The following EBF1 variants were observed in gnomAD, a reference collection of about 807,000 sequenced individuals.
The protein encoded by EBF1 is EBF transcription factor 1, also known as transcription factor COE1.
A neutral mutation model predicts 68.4 loss-of-function variants in EBF1; 10 were observed. The ratio of observed to expected loss-of-function variants is 0.15; its 90% CI spans 0.09 to 0.25. The LOEUF is 0.25. Among genes scored for constraint, EBF1 ranks in the 10% least tolerant of loss-of-function variants. The pLI is 1.00. For missense variants in EBF1, 509 were observed against 794.4 expected (o/e 0.64, Z 4.32); for synonymous variants, 298 against 299.8 (o/e 0.99, Z 0.06).
intron 6 of EBF1, among the ~76,000 whole-genome samples, chr5:158,841,898 A>G (rs1160770767): frequency 1.3e-5 from 2 of 152,214 alleles, no homozygotes; most frequent in African/African-American, 4.8e-5. Flanking sequence ...TTAACACCAC[A>G]CAACATTTGA....
intron 10 of EBF1, among the ~76,000 whole-genome samples, chr5:158,745,025 G>A (rs1428317942): frequency 2.0e-5 from 3 of 152,084 alleles, no homozygotes; most frequent in South Asian, 2.1e-4. Context: ...CTTGTGCTCC[G>A]TCTCCTCGCC....
chr5:158,965,259 C>A (rs1278921373), intron 6 of EBF1, among the ~76,000 whole-genome samples: 1 of 152,168 alleles, frequency 6.6e-6, no homozygotes, highest in Non-Finnish European at 1.5e-5. Flanking sequence ...GGCATAAAAG[C>A]TCTTAGGTGG....
chr5:159,054,112 A>T, intron 6 of EBF1, among the ~76,000 whole-genome samples: 1 of 152,368 alleles, frequency 6.6e-6, no homozygotes, highest in African/African-American at 2.4e-5. Context: ...ATTTCTTTTA[A>T]TAGTTAGTCT....
intron 6 of EBF1, among the ~76,000 whole-genome samples, chr5:159,021,562 G>C (rs1022869683): frequency 6.6e-6 from 1 of 152,168 alleles, no homozygotes; most frequent in Non-Finnish European, 1.5e-5. Context: ...AGGCAATCCC[G>C]TGTGTGAGCA....
intron 6 of EBF1, among the ~76,000 whole-genome samples, chr5:158,965,129 C>T (rs1400968948): frequency 2.6e-5 from 4 of 152,254 alleles, no homozygotes; most frequent in South Asian, 2.1e-4. Context: ...TTTGTGCTCC[C>T]TTGCCTGGGA....
At chr5:158,949,675 T>C (rs558029319) in intron 6 of EBF1, among the ~76,000 whole-genome samples, 2 of 152,256 alleles carry the variant, frequency 1.3e-5, no homozygotes, top group South Asian at 4.2e-4. Flanking sequence ...GGTTTAGATG[T>C]CTATATCTGC....
intron 2 of EBF1, 80 bp from the exon 3 acceptor site, chr5:159,096,486 A>T: frequency 6.6e-7 from 1 of 1,524,960 alleles, no homozygotes. Flanking sequence ...TTTCGAGGCA[A>T]CTTTCCCCAA....
At chr5:158,784,624 A>ACACCAG (rs1255153685) in intron 9 of EBF1, among the ~76,000 whole-genome samples, 3 of 152,180 alleles carry the variant, frequency 2.0e-5, no homozygotes, top group Non-Finnish European at 4.4e-5. Flanking sequence ...ACTAGAAAGC[A>ACACCAG]CACCAGCGAT....
At chr5:158,848,895 T>C (rs1485024648) in intron 6 of EBF1, among the ~76,000 whole-genome samples, 1 of 152,184 alleles carries the variant, frequency 6.6e-6, no homozygotes, top group Admixed American at 6.5e-5. Flanking sequence ...AACTGAGGCA[T>C]ACAGTTCTGC....
At chr5:159,098,883 A>T (rs890313080) in intron 1 of EBF1, among the ~76,000 whole-genome samples, 3 of 149,770 alleles carry the variant, frequency 2.0e-5, no homozygotes, top group Non-Finnish European at 3.0e-5. Context: ...GGAGGAAAGA[A>T]AAAAAGAAAG....
intron 6 of EBF1, among the ~76,000 whole-genome samples, chr5:158,879,587 C>A (rs970959627): frequency 2.0e-5 from 3 of 152,148 alleles, no homozygotes; most frequent in Non-Finnish European, 4.4e-5. Flanking sequence ...GGTTCCAAGT[C>A]TTTGCTATTG....
chr5:158,829,358 T>C (rs1479430734), intron 7 of EBF1, among the ~76,000 whole-genome samples: 4 of 150,784 alleles, frequency 2.7e-5, no homozygotes, highest in Non-Finnish European at 5.9e-5. Context: ...TTTTTTTGTA[T>C]TTTTTTTGTG....
In EBF1 at chr5:159,084,700, A is replaced by G. The variant is rs753701691; in HGVS notation, c.451T>C (p.Cys151Arg). ...YEGQDKNPEM[C>R]RVLLTHEIMC... ...ATCTCATGTGTGAGCAAGACTCGGC[A>G]CATTTCTGGGTTCTTGTCTTGGCCT... The change falls in exon 5 of 16, where the codon TGC (cysteine) becomes CGC (arginine). Residue 151 changes from cysteine to arginine, a missense_variant. By Grantham distance (180) the Cys-to-Arg change is radical. This residue lies in a region of EBF1 where 230 missense variants were observed against 467.7 expected (regional missense o/e 0.49). Coordinates refer to ENST00000313708, the MANE Select transcript of EBF1 (RefSeq NM_024007.5). 3.1e-6 allele frequency: 5 copies of G among 1,601,614 alleles called. No homozygotes were observed. Among genetic ancestry groups the G allele is most frequent in the Non-Finnish European group, 4.3e-6 (5 of 1,172,606 alleles).
intron 6 of EBF1, among the ~76,000 whole-genome samples, chr5:158,886,262 C>T (rs1800020448): frequency 6.6e-6 from 1 of 152,230 alleles, no homozygotes; most frequent in Non-Finnish European, 1.5e-5. Context: ...GTTTTACAAA[C>T]CCAACAGACG....
intron 6 of EBF1, among the ~76,000 whole-genome samples, chr5:158,955,672 T>C (rs1255576071): frequency 6.6e-6 from 1 of 152,228 alleles, no homozygotes; most frequent in East Asian, 1.9e-4. Flanking sequence ...CATCTCAATA[T>C]AGTAGTTCCC....
At chr5:158,935,941 T>C (rs1217954358) in intron 6 of EBF1, among the ~76,000 whole-genome samples, 2 of 151,798 alleles carry the variant, frequency 1.3e-5, no homozygotes, top group East Asian at 3.9e-4. Context: ...GTGGCCATTG[T>C]CTGAGACAGA....
chr5:158,913,628 G>C (rs533556220), intron 6 of EBF1, among the ~76,000 whole-genome samples: 1 of 152,110 alleles, frequency 6.6e-6, no homozygotes, highest in African/African-American at 2.4e-5. Context: ...TTTATGTATT[G>C]CTTGGGAGGA....
rs1025830152 is a variant in EBF1 at position 158,699,045 on chromosome 5, G to A, written c.*66C>T. 6.9e-6 allele frequency: 10 copies of A among 1,454,716 alleles called. No homozygotes were observed. Among genetic ancestry groups the A allele is most frequent in the African/African-American group, 2.9e-5 (2 of 69,030 alleles). The allele number at this position is 1,454,716 out of a possible 1,614,324, so 90.1% of individuals were successfully genotyped here. ...AGTTAAAAGTTCCACTCTGGGACTT[G>A]TATCAGATTACTCTCTGTAGCAGAA... On this transcript the variant is annotated 3_prime_UTR_variant, in exon 16 of 16. Coordinates refer to ENST00000313708, the MANE Select transcript of EBF1 (RefSeq NM_024007.5).
intron 6 of EBF1, among the ~76,000 whole-genome samples, chr5:158,863,044 A>G (rs1795235075): frequency 6.6e-6 from 1 of 152,160 alleles, no homozygotes; most frequent in African/African-American, 2.4e-5. Flanking sequence ...AAAGTCCACC[A>G]TTTACAATTT....
Sources: allele counts gnomAD v4.1 joint callset (sites outside exome capture counted in the v4.1 genomes callset), GRCh38; gene constraint gnomAD v4.1.1; regional missense constraint gnomAD v4.1.1; transcripts MANE v1.5; gene names NCBI Gene and HGNC (gene_info 2026-07-23, HGNC 2026-07-21).